RAD17: variants seen among roughly 807,000 people sequenced by gnomAD.
The protein encoded by RAD17 is RAD17 checkpoint clamp loader component.
RAD17 carries 31 observed loss-of-function variants against 81.5 expected under a neutral mutation model. That is an observed-to-expected ratio of 0.38 (90% CI 0.29 to 0.51). RAD17 has a LOEUF of 0.51. Among genes scored for constraint, RAD17 ranks in the 20% least tolerant of loss-of-function variants. The probability of loss-of-function intolerance (pLI) is 0.88; values close to 1 mark genes in which losing one functional copy is unlikely to be tolerated. For synonymous variants in RAD17, 261 were observed against 266.2 expected (o/e 0.98, Z 0.19); for missense variants, 681 against 781.2 (o/e 0.87, Z 1.53).
intron 17 of RAD17, among the ~76,000 whole-genome samples, chr5:69,401,490 TTAA>T (rs1468672832): frequency 2.6e-5 from 3 of 113,404 alleles, no homozygotes; most frequent in Non-Finnish European, 5.8e-5. Flanking sequence ...AAAATGCCTA[TTAA>T]TAGTATTTTT....
At chr5:69,381,349 C>T (rs1383397230) in intron 6 of RAD17, among the ~76,000 whole-genome samples, 5 of 151,782 alleles carry the variant, frequency 3.3e-5, no homozygotes, top group African/African-American at 9.7e-5. Flanking sequence ...GGCGTGGTGG[C>T]GGGCGCCTGT....
chr5:69,399,909 A>G, intron 16 of RAD17, 140 bp from the exon 17 acceptor site: 1 of 483,634 alleles, frequency 2.1e-6, no homozygotes, highest in Non-Finnish European at 3.4e-6. Context: ...ATAAGCTATT[A>G]AAAGTATATT....
At chr5:69,370,541 T>C (rs1203398233) in intron 1 of RAD17, among the ~76,000 whole-genome samples, 1 of 152,110 alleles carries the variant, frequency 6.6e-6, no homozygotes, top group Non-Finnish European at 1.5e-5. Flanking sequence ...GGTTTCACCA[T>C]GTTTTGGCCA....
chr5:69,398,000 CCAA>C (rs1035323339), intron 16 of RAD17, among the ~76,000 whole-genome samples: 2 of 152,024 alleles, frequency 1.3e-5, no homozygotes, highest in African/African-American at 4.8e-5. Flanking sequence ...GCCTGTAGTC[CCAA>C]CTACTCTGGA....
intron 10 of RAD17, 21 bp from the exon 11 acceptor site, chr5:69,386,375 A>G (rs774240193): frequency 4.3e-5 from 68 of 1,584,622 alleles, no homozygotes; most frequent in Non-Finnish European, 5.3e-5. Context: ...TTTAACTGCT[A>G]TCTTTCTTTA....
At chr5:69,379,298 A>G (rs977069864) in intron 6 of RAD17, among the ~76,000 whole-genome samples, 1 of 152,158 alleles carries the variant, frequency 6.6e-6, no homozygotes, top group Non-Finnish European at 1.5e-5. Flanking sequence ...GCTAGTATAC[A>G]TTTATATAGG....
intron 18 of RAD17, among the ~76,000 whole-genome samples, chr5:69,412,974 A>G (rs532729234): frequency 1.3e-4 from 11 of 84,412 alleles, no homozygotes; most frequent in African/African-American, 3.7e-4. Flanking sequence ...GTGACAGAGC[A>G]AGACTGTCTC....
At chr5:69,376,073 G>T (rs1763315434) in intron 6 of RAD17, among the ~76,000 whole-genome samples, 2 of 152,114 alleles carry the variant, frequency 1.3e-5, no homozygotes, top group South Asian at 2.1e-4. Context: ...AGGTCATGTT[G>T]TATGTTGTAT....
At chr5:69,372,907 A>G (rs945939445) in intron 4 of RAD17, among the ~76,000 whole-genome samples, 2 of 152,122 alleles carry the variant, frequency 1.3e-5, no homozygotes, top group East Asian at 1.9e-4. Flanking sequence ...ACCACACCCA[A>G]CCATTCCCAG....
At chr5:69,402,680 T>G (rs531641793) in intron 17 of RAD17, among the ~76,000 whole-genome samples, 1 of 151,694 alleles carries the variant, frequency 6.6e-6, no homozygotes, top group East Asian at 2.0e-4. Flanking sequence ...TTATTTTAAA[T>G]GTAAGGATGC....
intron 7 of RAD17, among the ~76,000 whole-genome samples, 155 bp from the exon 8 acceptor site, chr5:69,384,642 G>A (rs1273273727): frequency 6.6e-6 from 1 of 152,056 alleles, no homozygotes; most frequent in Non-Finnish European, 1.5e-5. Flanking sequence ...CCTTTGAAAG[G>A]AATATCCTAT....
chr5:69,385,029 A>T, intron 8 of RAD17, 96 bp downstream of exon 8: 1 of 1,062,434 alleles, frequency 9.4e-7, no homozygotes, highest in Non-Finnish European at 1.3e-6. Context: ...GCGCGATCTC[A>T]GCTCATTGCA....
At position 69,414,069 on chromosome 5, in the gene RAD17, T is replaced by C; in HGVS notation, c.1790T>C (p.Met597Thr). 1 of 1,614,188 alleles carries C rather than the reference T, an allele frequency of 6.2e-7. No homozygotes were observed. Among genetic ancestry groups the C allele is most frequent in the Non-Finnish European group, 8.5e-7 (1 of 1,180,020 alleles). ...MEALTDREHG[M>T]IDPDSGDEAQ... ...GCCCTGACTGACAGGGAACATGGAATGATAGACCCTGACAGCGGAGATGAA... is the reference window on the plus strand; with the variant it reads ...GCCCTGACTGACAGGGAACATGGAACGATAGACCCTGACAGCGGAGATGAA... The change falls in exon 19 of 19, where the codon ATG becomes ACG. Residue 597 changes from methionine to threonine, a missense_variant. Met to Thr is a moderately conservative substitution (Grantham distance 81, BLOSUM62 -1). Coordinates refer to ENST00000354868, the MANE Select transcript of RAD17 (RefSeq NM_133338.3).
chr5:69,389,320 G>A (rs1201002477), intron 12 of RAD17, among the ~76,000 whole-genome samples, 175 bp downstream of exon 12: 2 of 152,124 alleles, frequency 1.3e-5, no homozygotes, highest in Non-Finnish European at 2.9e-5. Context: ...ACCCTTCTAT[G>A]AATATGTCGT....
Position 69,384,896 on chromosome 5 carries a change from A to T in RAD17, c.608A>T (p.Asp203Val), listed in dbSNP as rs1463278088. Residue 203 changes from aspartate (D) to valine (V), a missense_variant, in exon 8 of 19, where the codon GAT becomes GTT. Coordinates refer to ENST00000354868, the MANE Select transcript of RAD17 (RefSeq NM_133338.3). ...TKYNKLQMLG[D>V]DLRTDKKIIL... ...TATAACAAGTTACAAATGCTTGGAG[A>T]TGATCTGAGAACTGATAAGAAGATA... 1.9e-6 allele frequency: 3 copies of T among 1,609,970 alleles called. No homozygotes were observed. The African/African-American group carries it at 4.0e-5, about 22-fold the overall frequency.
At chr5:69,369,589 A>G (rs1386656037), upstream of RAD17, 1 of 1,597,994 alleles carries the variant, frequency 6.3e-7, no homozygotes, top group African/African-American at 1.3e-5. Context: ...CCACGGCCCC[A>G]AAGGCCCCGA....
Position 69,386,428 on chromosome 5 carries a change from A to G in RAD17, c.857A>G (p.Lys286Arg), listed in dbSNP as rs765860148. Residue 286 changes from lysine to arginine, a missense_variant, in exon 11 of 19, where the codon AAA becomes AGA. Lys to Arg is a conservative substitution (Grantham distance 26, BLOSUM62 2). Transcript: ENST00000354868. ...FNPVAPTIMM[K>R]FLNRIVTIEA... ...CCTGTGGCACCAACAATTATGATGA[A>G]ATTTCTTAATCGAATAGTGACTATA... is the stretch of plus-strand genomic sequence containing the variant. 1 of 1,599,212 alleles carries G rather than the reference A, an allele frequency of 6.3e-7. No individual in the cohort carries two copies. Among genetic ancestry groups the G allele is most frequent in the Non-Finnish European group, 8.5e-7 (1 of 1,174,566 alleles).
chr5:69,405,533 G>C (rs1340018999), intron 17 of RAD17, among the ~76,000 whole-genome samples: 1 of 152,052 alleles, frequency 6.6e-6, no homozygotes, highest in Non-Finnish European at 1.5e-5. Flanking sequence ...TGGGCGTGGT[G>C]GCACATGCCT....
chr5:69,392,478 C>T (rs1330091586), intron 13 of RAD17, among the ~76,000 whole-genome samples: 3 of 152,172 alleles, frequency 2.0e-5, no homozygotes, highest in African/African-American at 4.8e-5. Flanking sequence ...TTGATGACTG[C>T]TCCCCCTCAG....
Sources: gnomAD v4.1 joint callset for allele counts (sites outside exome capture counted in the v4.1 genomes callset) on GRCh38, gnomAD v4.1.1 for gene constraint, MANE v1.5 for transcripts, NCBI Gene and HGNC (gene_info 2026-07-23, HGNC 2026-07-21) for gene names.